Variants in MAP2K3 observed in about 807,000 individuals in gnomAD.
MAP2K3 encodes the protein dual specificity mitogen-activated protein kinase kinase 3.
Under a neutral mutation model 46.4 loss-of-function variants are expected in MAP2K3, and 30 were observed. The ratio of observed to expected loss-of-function variants is 0.65; its 90% CI spans 0.48 to 0.88. MAP2K3 has a LOEUF of 0.88. Ranked by LOEUF, MAP2K3 falls within the 40% of genes least tolerant of loss-of-function variation. The pLI is 0.00. For missense variants in MAP2K3, 380 were observed against 464.5 expected (o/e 0.82, Z 1.67); for synonymous variants, 189 against 176.3 (o/e 1.07, Z -0.57).
rs77066538 is a variant in MAP2K3 at position 21,298,479 on chromosome 17, C to T, written c.116C>T (p.Thr39Ile). The change falls in exon 2 of 12, where the codon ACA (threonine) becomes ATA (isoleucine). Residue 39 changes from threonine to isoleucine, a missense_variant and splice_region_variant. By Grantham distance (89) the Thr-to-Ile change is moderately conservative. Around this residue, in one of 5 missense-constraint regions of MAP2K3, gnomAD observed 294 missense variants for 275.4 expected, o/e 1.07. Coordinates refer to ENST00000342679, the MANE Select transcript of MAP2K3 (RefSeq NM_145109.3). Reference protein sequence around the residue: ...CMSKPPAPNPTPPRNLDSRTF... With the variant: ...CMSKPPAPNPIPPRNLDSRTF... ...TCCAAGCCACCCGCACCCAACCCCA[C>T]GTGAGTCTGCCTCAGTTTCTCCCTG... 735 of 1,613,738 alleles carry T rather than the reference C, an allele frequency of 4.6e-4. No homozygotes were observed. The African/African-American group carries it at 6.1e-3, about 13-fold the overall frequency.
intron 1 of MAP2K3, chr17:21,295,860 A>G: frequency 4.7e-6 from 6 of 1,287,570 alleles, no homozygotes; most frequent in Non-Finnish European, 6.1e-6. Context: ...CTGGGGCCAG[A>G]GGGACCAAGA....
At chr17:21,302,389 C>T (rs1976657667) in intron 6 of MAP2K3, 130 bp downstream of exon 6, 1 of 1,001,446 alleles carries the variant, frequency 1.0e-6, no homozygotes, top group Non-Finnish European at 1.5e-6. Context: ...CCCCCTGAAC[C>T]TGGGCAGCTG....
chr17:21,303,394 C>T (rs1976715957), intron 7 of MAP2K3, among the ~76,000 whole-genome samples, 160 bp downstream of exon 7: 1 of 152,312 alleles, frequency 6.6e-6, no homozygotes, highest in Non-Finnish European at 1.5e-5. Context: ...AGCCCTGCAG[C>T]TGCCTCCCCT....
In MAP2K3 at chr17:21,302,205, G is replaced by A. The variant is rs779191285; in HGVS notation, c.462G>A (p.Val154=). ...DTSLDKFYRK[V]LDKNMTIPED... is the part of the protein sequence containing the mutation. ...CCTTGGACAAGTTCTACCGGAAGGT[G>A]CTGGATAAAAACATGACAATTCCAG... Residue 154 remains valine (V), a synonymous_variant, in exon 6 of 12, where the codon GTG becomes GTA. Coordinates refer to ENST00000342679, the MANE Select transcript of MAP2K3 (RefSeq NM_145109.3). 6.2e-7 allele frequency: 1 copy of A among 1,614,224 alleles called. No individual in the cohort carries two copies.
intron 1 of MAP2K3, 45 bp from the exon 2 acceptor site, chr17:21,298,368 G>T (rs1413112988): frequency 6.2e-7 from 1 of 1,613,350 alleles, no homozygotes; most frequent in Admixed American, 1.7e-5. Context: ...AGGGGACATT[G>T]ATGTCAAGGG....
chr17:21,301,546 C>T (rs1174364787), intron 5 of MAP2K3, among the ~76,000 whole-genome samples: 2 of 152,312 alleles, frequency 1.3e-5, no homozygotes, highest in Admixed American at 1.3e-4. Flanking sequence ...GTGGCAGGGT[C>T]AGGGCATCTG....
At chr17:21,300,017 G>A (rs967246000) in intron 3 of MAP2K3, among the ~76,000 whole-genome samples, 1 of 152,306 alleles carries the variant, frequency 6.6e-6, no homozygotes, top group Admixed American at 6.5e-5. Flanking sequence ...GCCTGTCCTT[G>A]ACGATACTCC....
Position 21,313,549 on chromosome 17 carries a change from C to T in MAP2K3, c.960+12C>T, listed in dbSNP as rs568858678. On this transcript the variant is annotated intron_variant, in intron 11 of 11. Coordinates refer to ENST00000342679, the MANE Select transcript of MAP2K3 (RefSeq NM_145109.3). The stretch of plus-strand genomic sequence containing the variant: ...ACCTGGAGCTGATGGTGAGTATGGG[C>T]GGGAGGTGCCTGCCCTGCTCTTCAG... The T allele has an allele frequency of 3.2e-5, 31 of 954,772 alleles. No individual in the cohort carries two copies. In the East Asian group the frequency reaches 1.1e-3, roughly 33 times the overall value. 59.1% of individuals were successfully genotyped at this position (954,772 alleles called of 1,614,324 possible). A position where few individuals can be genotyped will look rare whatever the true frequency, so the allele number is the denominator to read the frequency against.
intron 1 of MAP2K3, chr17:21,288,212 T>A: frequency 1.4e-6 from 1 of 701,860 alleles, no homozygotes; most frequent in Non-Finnish European, 2.1e-6. Context: ...GTCCTGCAGG[T>A]GGCACCTAGC....
At chr17:21,301,080 G>T in intron 5 of MAP2K3, 87 bp downstream of exon 5, 2 of 1,601,436 alleles carry the variant, frequency 1.2e-6, no homozygotes, top group Middle Eastern at 1.7e-4. Flanking sequence ...CCTCCAGTAC[G>T]CCAGGTGCTG....
At chr17:21,298,377 G>A (rs1174550517) in intron 1 of MAP2K3, 36 bp from the exon 2 acceptor site, 5 of 1,614,130 alleles carry the variant, frequency 3.1e-6, no homozygotes, top group Non-Finnish European at 4.2e-6. Context: ...TGATGTCAAG[G>A]GATAGGCCAG....
rs151314244 is a variant in MAP2K3 at position 21,312,743 on chromosome 17, C to T, written c.914+462C>T. On this transcript the variant is annotated intron_variant, in intron 10 of 11. Coordinates refer to ENST00000342679, the MANE Select transcript of MAP2K3 (RefSeq NM_145109.3). ...CAGCCTGACCAACATGGTGAAACCC[C>T]GACTCTACTAAAAATAGGAAAATTA... Among the ~76,000 whole-genome samples, 688 of 152,030 alleles carry T rather than the reference C, an allele frequency of 4.5e-3. 2 individuals are homozygous for T. The highest frequency in any genetic ancestry group is 0.015 in the African/African-American group (623 of 41,446).
intron 9 of MAP2K3, among the ~76,000 whole-genome samples, chr17:21,308,275 G>A (rs1976996974): frequency 6.6e-6 from 1 of 152,270 alleles, no homozygotes; most frequent in African/African-American, 2.4e-5. Flanking sequence ...AGCCTCTCAA[G>A]TAGCTAGGAT....
chr17:21,296,250 G>T, intron 1 of MAP2K3: 1 of 1,235,960 alleles, frequency 8.1e-7, no homozygotes, highest in South Asian at 1.3e-5. Flanking sequence ...TGTACATGAG[G>T]AACCCAAGGT....
chr17:21,311,795 A>G (rs1597505817), intron 9 of MAP2K3: 2 of 194,208 alleles, frequency 1.0e-5, no homozygotes, highest in African/African-American at 2.3e-5. Flanking sequence ...GCTACGGCCC[A>G]AAGTTGCCAG....
rs531344575 is a variant in MAP2K3 at position 21,291,136 on chromosome 17, C to A, written c.49+6167C>A. Among the ~76,000 whole-genome samples, 13 of 152,404 alleles carry A rather than the reference C, an allele frequency of 8.5e-5. No homozygotes were observed. In the East Asian group the frequency reaches 2.3e-3, roughly 27 times the overall value. On this transcript the variant is annotated intron_variant, in intron 1 of 11. Coordinates refer to ENST00000342679, the MANE Select transcript of MAP2K3 (RefSeq NM_145109.3). ...GCAGGTGTCTGTAGTCCCAGCTACT[C>A]GGGAGGCTGAGGCAGGAGAATGGCA... is the stretch of plus-strand genomic sequence containing the variant.
intron 7 of MAP2K3, among the ~76,000 whole-genome samples, chr17:21,303,866 G>A (rs964460427): frequency 3.8e-4 from 58 of 152,404 alleles, no homozygotes; most frequent in Non-Finnish European, 6.8e-4. Flanking sequence ...TGTGGTTGGC[G>A]GTTGGCACGG....
intron 9 of MAP2K3, among the ~76,000 whole-genome samples, chr17:21,310,601 G>T (rs62058927): frequency 1.3e-5 from 2 of 151,996 alleles, no homozygotes; most frequent in East Asian, 3.9e-4. Context: ...ATGCCAGTGG[G>T]AATCACCCAG....
At chr17:21,297,403 T>C (rs1403460748) in intron 1 of MAP2K3, among the ~76,000 whole-genome samples, 1 of 152,306 alleles carries the variant, frequency 6.6e-6, no homozygotes, top group Non-Finnish European at 1.5e-5. Context: ...GCTTGGGAAA[T>C]GATGAGGCAG....
Sources: allele counts gnomAD v4.1 joint callset (sites outside exome capture counted in the v4.1 genomes callset), GRCh38; gene constraint gnomAD v4.1.1; regional missense constraint gnomAD v4.1.1; transcripts MANE v1.5; gene names NCBI Gene and HGNC (gene_info 2026-07-23, HGNC 2026-07-21).